EPHA5: variants seen among roughly 807,000 people sequenced by gnomAD.
The protein encoded by EPHA5 is ephrin type-A receptor 5.
Under a neutral mutation model 105.0 loss-of-function variants are expected in EPHA5, and 60 were observed. The ratio of observed to expected loss-of-function variants is 0.57; its 90% CI spans 0.46 to 0.71. The LOEUF (loss-of-function observed/expected upper bound fraction) is 0.71. Among genes scored for constraint, EPHA5 ranks in the 30% least tolerant of loss-of-function variants. The pLI, the probability that EPHA5 is intolerant of heterozygous loss-of-function variation, is 0.00. For missense variants in EPHA5, 1,218 were observed against 1,274.7 expected (o/e 0.96, Z 0.68); for synonymous variants, 513 against 449.1 (o/e 1.14, Z -1.80).
chr4:65,493,859 A>G (rs4337775), intron 4 of EPHA5, among the ~76,000 whole-genome samples: 69,118 of 151,922 alleles, frequency 0.45, 17,441 homozygotes, highest in East Asian at 0.63. Context: ...TGGGTAGACC[A>G]CTTAAAGAAA....
Position 65,333,613 on chromosome 4 carries a change from C to CTT in EPHA5, c.2790-1487_2790-1486dup, listed in dbSNP as rs778146562. Among the ~76,000 whole-genome samples, 462 of 79,178 alleles carry CTT rather than the reference C, an allele frequency of 5.8e-3. 47 individuals carry two copies. The highest frequency in any genetic ancestry group is 0.016 in the African/African-American group (323 of 19,772). The allele number at this position is 79,178 out of a possible 152,430, so 51.9% of individuals were successfully genotyped here. A position where few individuals can be genotyped will look rare whatever the true frequency, so the allele number is the denominator to read the frequency against. On this transcript the variant is annotated intron_variant, in intron 15 of 16. Transcript: ENST00000613740. ...CCCTCAATCTCCTTTGCCTGCTAGT[C>CTT]TTTTTTTTTTTTTTTTTTTTCCTGA...
chr4:65,581,553 C>T (rs1741627290), intron 3 of EPHA5, among the ~76,000 whole-genome samples: 1 of 151,700 alleles, frequency 6.6e-6, no homozygotes, highest in South Asian at 2.1e-4. Context: ...TTCTTTGAAA[C>T]TTAACCTAAT....
chr4:65,476,123 AGAGAGT>A (rs1416099996), intron 5 of EPHA5, among the ~76,000 whole-genome samples: 14 of 130,056 alleles, frequency 1.1e-4, no homozygotes, highest in Admixed American at 5.4e-4. Flanking sequence ...AGAGAGAGAG[AGAGAGT>A]GTGTGTGTGT....
At chr4:65,364,596 G>T (rs1396254720) in intron 11 of EPHA5, among the ~76,000 whole-genome samples, 1 of 151,428 alleles carries the variant, frequency 6.6e-6, no homozygotes, top group East Asian at 2.0e-4. Flanking sequence ...TAAACAAAAT[G>T]AACCTGGCCA....
At chr4:65,334,426 T>C (rs1227339844) in intron 15 of EPHA5, among the ~76,000 whole-genome samples, 2 of 151,952 alleles carry the variant, frequency 1.3e-5, no homozygotes, top group Admixed American at 6.6e-5. Context: ...GTCTAGAATA[T>C]AAGCATGGAA....
Position 65,414,460 on chromosome 4 carries a change from A to C in EPHA5, c.1528-17T>G. 6.2e-7 allele frequency: 1 copy of C among 1,611,442 alleles called. No individual in the cohort carries two copies. Among genetic ancestry groups the C allele is most frequent in the Non-Finnish European group, 8.5e-7 (1 of 1,178,664 alleles). ...CTCTTGGTCCTTGGGATGCGCATGC[A>C]TATACAATAAAAAAGACAGCATATA... On this transcript the variant is annotated splice_polypyrimidine_tract_variant and intron_variant, in intron 6 of 16. Transcript: ENST00000613740.
intron 1 of EPHA5, among the ~76,000 whole-genome samples, chr4:65,668,006 A>AT (rs1381835323): frequency 2.6e-5 from 4 of 152,236 alleles, no homozygotes; most frequent in Admixed American, 6.5e-5. Flanking sequence ...TCTCAAAAAC[A>AT]TTTTTTCAAC....
chr4:65,403,665 T>C (rs1279193567), intron 8 of EPHA5, among the ~76,000 whole-genome samples: 1 of 152,058 alleles, frequency 6.6e-6, no homozygotes, highest in Non-Finnish European at 1.5e-5. Flanking sequence ...AGGAGGTTGA[T>C]TATGCTCAGC....
Position 65,602,309 on chromosome 4 carries a change from A to G in EPHA5, c.247-5T>C, listed in dbSNP as rs180996804. 1.4e-4 allele frequency: 213 copies of G among 1,525,090 alleles called. 1 individual carries two copies. The African/African-American group carries it at 2.7e-3, about 20-fold the overall frequency. The allele number at this position is 1,525,090 out of a possible 1,614,324, so 94.5% of individuals were successfully genotyped here. A position where few individuals can be genotyped will look rare whatever the true frequency, so the allele number is the denominator to read the frequency against. ...CACTTCACCAATCTCTTCCCACTGT[A>G]CAATATAAAATAGAAAGATAAAAAA... On this transcript the variant is annotated splice_polypyrimidine_tract_variant and splice_region_variant and intron_variant, in intron 2 of 16. Coordinates refer to ENST00000613740, the MANE Select transcript of EPHA5 (RefSeq NM_001281766.3).
chr4:65,474,909 G>A (rs549645658), intron 5 of EPHA5, among the ~76,000 whole-genome samples: 1 of 152,150 alleles, frequency 6.6e-6, no homozygotes, highest in African/African-American at 2.4e-5. Flanking sequence ...AACAACTCAC[G>A]ACCTTTTAAA....
chr4:65,379,276 T>TACAC (rs35953627), intron 8 of EPHA5, among the ~76,000 whole-genome samples: 76,335 of 149,904 alleles, frequency 0.51, 20,059 homozygotes, highest in East Asian at 0.74. Flanking sequence ...AGTATGCACA[T>TACAC]ACACACACAC....
chr4:65,364,085 CAAGTAAAGAATAATGT>C (rs1577922402), intron 11 of EPHA5, among the ~76,000 whole-genome samples: 1 of 151,624 alleles, frequency 6.6e-6, no homozygotes, highest in East Asian at 1.9e-4. Context: ...GGGTTGCTAT[CAAGTAAAGAATAATGT>C]GTGGGTATAT....
At chr4:65,395,781 A>G (rs190570749) in intron 8 of EPHA5, among the ~76,000 whole-genome samples, 101 of 152,362 alleles carry the variant, frequency 6.6e-4, no homozygotes, top group African/African-American at 2.3e-3. Flanking sequence ...GCATTAAGCC[A>G]TTTCTCAAAT....
At chr4:65,470,283 C>A (rs950307171) in intron 5 of EPHA5, among the ~76,000 whole-genome samples, 2 of 151,592 alleles carry the variant, frequency 1.3e-5, no homozygotes, top group African/African-American at 4.8e-5. Context: ...ACCTCTGCCT[C>A]CAGGTTCAAG....
At chr4:65,562,239 G>A (rs1476209032) in intron 3 of EPHA5, among the ~76,000 whole-genome samples, 1 of 152,048 alleles carries the variant, frequency 6.6e-6, no homozygotes, top group Admixed American at 6.6e-5. Context: ...ATATGAATCA[G>A]TTATAAATTT....
At chr4:65,407,469 T>G (rs1722470128) in intron 7 of EPHA5, among the ~76,000 whole-genome samples, 1 of 151,760 alleles carries the variant, frequency 6.6e-6, no homozygotes, top group Non-Finnish European at 1.5e-5. Context: ...AAAAATATAT[T>G]GCATTAAAAT....
chr4:65,412,182 A>G (rs1722974240), intron 7 of EPHA5, among the ~76,000 whole-genome samples: 1 of 152,270 alleles, frequency 6.6e-6, no homozygotes, highest in South Asian at 2.1e-4. Context: ...GAGCCAAGAT[A>G]GCTCCATTGC....
At chr4:65,399,879 A>G (rs1168540927) in intron 8 of EPHA5, among the ~76,000 whole-genome samples, 1 of 152,148 alleles carries the variant, frequency 6.6e-6, no homozygotes, top group African/African-American at 2.4e-5. Flanking sequence ...CCAAAAAGAG[A>G]TTGCTTCTAT....
chr4:65,399,933 T>C (rs1259438733), intron 8 of EPHA5, among the ~76,000 whole-genome samples: 1 of 152,190 alleles, frequency 6.6e-6, no homozygotes, highest in Non-Finnish European at 1.5e-5. Flanking sequence ...CCACTAAATC[T>C]TGTTACTTTA....
Sources: allele counts gnomAD v4.1 joint callset (sites outside exome capture counted in the v4.1 genomes callset), GRCh38; gene constraint gnomAD v4.1.1; transcripts MANE v1.5; gene names NCBI Gene and HGNC (gene_info 2026-07-23, HGNC 2026-07-21).